The following RANBP2 variants were observed in gnomAD, a reference collection of about 807,000 sequenced individuals.
The protein encoded by RANBP2 is RAN binding protein 2, also known as E3 SUMO-protein ligase RanBP2.
RANBP2 carries 57 observed loss-of-function variants against 303.6 expected under a neutral mutation model. That is an observed-to-expected ratio of 0.19 (90% CI 0.15 to 0.23). RANBP2 has a LOEUF of 0.23. Ranked by LOEUF, RANBP2 falls within the 10% of genes least tolerant of loss-of-function variation. The pLI, the probability that RANBP2 is intolerant of heterozygous loss-of-function variation, is 1.00. For synonymous variants in RANBP2, 1,167 were observed against 1,301.5 expected (o/e 0.90, Z 2.23); for missense variants, 3,138 against 3,780.8 (o/e 0.83, Z 4.46).
chr2:109,368,724 G>A, the RANBP2 span, among the ~76,000 whole-genome samples: 78 of 130,828 alleles, frequency 6.0e-4, no homozygotes, highest in African/African-American at 1.6e-3. Context: ...AAAAAAAAAA[G>A]AAAAAGAAAA....
the RANBP2 span, among the ~76,000 whole-genome samples, chr2:109,150,445 A>C: frequency 6.6e-6 from 1 of 152,200 alleles, no homozygotes; most frequent in African/African-American, 2.4e-5. Context: ...TCATTATTTC[A>C]CTTAAAAAAC....
the RANBP2 span, among the ~76,000 whole-genome samples, chr2:109,435,995 C>CT: frequency 5.9e-5 from 9 of 152,176 alleles, no homozygotes; most frequent in African/African-American, 1.9e-4. Flanking sequence ...AACCCTCACT[C>CT]TGTGTTGCCG....
the RANBP2 span, among the ~76,000 whole-genome samples, chr2:109,385,688 C>G: frequency 2.6e-5 from 4 of 152,236 alleles, no homozygotes; most frequent in African/African-American, 9.6e-5. Flanking sequence ...CACAAGCTCT[C>G]AGACCTCAAG....
chr2:109,662,996 C>A, the RANBP2 span, among the ~76,000 whole-genome samples: 1 of 152,186 alleles, frequency 6.6e-6, no homozygotes, highest in Non-Finnish European at 1.5e-5. Flanking sequence ...TTGCTTCCAC[C>A]TGCCATCTAT....
the RANBP2 span, among the ~76,000 whole-genome samples, chr2:109,561,645 G>A: frequency 1.3e-5 from 2 of 152,154 alleles, no homozygotes; most frequent in South Asian, 4.2e-4. Context: ...TTAATAAGCA[G>A]CTTAAATGTA....
In RANBP2 at chr2:108,764,010, T is replaced by C. The variant is rs776665310; in HGVS notation, c.3471T>C (p.Asp1157=). The change falls in exon 20 of 29, where the codon GAT becomes GAC. Residue 1157 remains aspartate, a synonymous_variant. Coordinates refer to ENST00000283195, the MANE Select transcript of RANBP2 (RefSeq NM_006267.5). ...LETANKNHET[D]GGSAHGDDDD... Reference sequence around the variant, plus strand: ...CAGCAAACAAGAATCATGAGACAGATGGAGGAAGTGCCCATGGGGATGATG... The same window carrying C: ...CAGCAAACAAGAATCATGAGACAGACGGAGGAAGTGCCCATGGGGATGATG... 1.2e-6 allele frequency: 2 copies of C among 1,613,806 alleles called. No individual in the cohort carries two copies. The highest frequency in any genetic ancestry group is 1.1e-5 in the South Asian group (1 of 91,076).
At chr2:109,060,470 G>A in the RANBP2 span, among the ~76,000 whole-genome samples, 1 of 152,190 alleles carries the variant, frequency 6.6e-6, no homozygotes, top group African/African-American at 2.4e-5. Flanking sequence ...GGAGGGGAGA[G>A]AATCAGGACC....
At chr2:108,837,569 A>G in the RANBP2 span, among the ~76,000 whole-genome samples, 18 of 152,350 alleles carry the variant, frequency 1.2e-4, no homozygotes. Flanking sequence ...TTGTGACATC[A>G]TAGCTGTCAT....
At chr2:109,175,254 C>G in the RANBP2 span, among the ~76,000 whole-genome samples, 1 of 152,152 alleles carries the variant, frequency 6.6e-6, no homozygotes, top group African/African-American at 2.4e-5. Context: ...TTGCCTGGCA[C>G]TTGTACTTCA....
the RANBP2 span, chr2:108,798,721 A>ACG: frequency 1.7e-6 from 1 of 573,864 alleles, no homozygotes; most frequent in African/African-American, 1.9e-5. Flanking sequence ...ACACACACAC[A>ACG]CACACACACA....
At chr2:108,749,618 G>T (rs1364574169) in intron 9 of RANBP2, among the ~76,000 whole-genome samples, 2 of 152,074 alleles carry the variant, frequency 1.3e-5, no homozygotes, top group Admixed American at 6.6e-5. Flanking sequence ...TTGAGACAGG[G>T]TCTCGCTGTG....
rs1320910440 is a variant in RANBP2 at position 108,744,560 on chromosome 2, A to T, written c.976-2151A>T. ...TCAAAACAAAAAGAATGATGTCAACATTTTGTTTCTTATTTTGTGTGCTCT... is the reference window on the plus strand; with the variant it reads ...TCAAAACAAAAAGAATGATGTCAACTTTTTGTTTCTTATTTTGTGTGCTCT... On this transcript the variant is annotated intron_variant, in intron 7 of 28. Transcript: ENST00000283195. 5.3e-5 allele frequency among the ~76,000 whole-genome samples: 8 copies of T among 152,316 alleles called. No individual in the cohort carries two copies. In the East Asian group the frequency reaches 1.4e-3, roughly 26 times the overall value.
chr2:109,241,497 G>A, the RANBP2 span, among the ~76,000 whole-genome samples: 14 of 151,892 alleles, frequency 9.2e-5, no homozygotes, highest in East Asian at 1.7e-3. Context: ...ACATAAGCTC[G>A]TATTACATTT....
chr2:109,720,672 G>T, the RANBP2 span, among the ~76,000 whole-genome samples: 1 of 152,280 alleles, frequency 6.6e-6, no homozygotes, highest in Non-Finnish European at 1.5e-5. Flanking sequence ...TGCCATCATT[G>T]TTTACAGTTC....
At chr2:109,717,272 C>CAAAAAAAAAAAAAAAAAAAAAACAA in the RANBP2 span, among the ~76,000 whole-genome samples, 1 of 124,768 alleles carries the variant, frequency 8.0e-6, no homozygotes. Context: ...AAAAACAAAC[C>CAAAAAAAAAAAAAAAAAAAAAACAA]AAAAAAAAAA....
At chr2:109,425,994 T>C in the RANBP2 span, among the ~76,000 whole-genome samples, 2 of 152,130 alleles carry the variant, frequency 1.3e-5, no homozygotes, top group African/African-American at 4.8e-5. Context: ...GCCTCCTGGG[T>C]TCAAGCCATT....
the RANBP2 span, among the ~76,000 whole-genome samples, chr2:109,373,592 G>GCAGA: frequency 0.13 from 19,660 of 152,062 alleles, 1,400 homozygotes; most frequent in Middle Eastern, 0.24. Flanking sequence ...AGGTTCAAAA[G>GCAGA]CAGACAGAAC....
chr2:108,755,967 G>T (rs978739260), intron 17 of RANBP2, among the ~76,000 whole-genome samples: 1 of 151,778 alleles, frequency 6.6e-6, no homozygotes, highest in African/African-American at 2.4e-5. Context: ...CAGGTGATCT[G>T]CCCGCCTTGG....
chr2:109,270,719 G>A, the RANBP2 span, among the ~76,000 whole-genome samples: 5 of 152,192 alleles, frequency 3.3e-5, no homozygotes, highest in South Asian at 2.1e-4. Flanking sequence ...TTTGGAGACC[G>A]TTCCTGGACT....
Sources: gnomAD v4.1 joint callset for allele counts (sites outside exome capture counted in the v4.1 genomes callset) on GRCh38, gnomAD v4.1.1 for gene constraint, MANE v1.5 for transcripts, NCBI Gene and HGNC (gene_info 2026-07-23, HGNC 2026-07-21) for gene names.